Variants in ABI3BP observed in about 807,000 individuals in gnomAD.
ABI3BP encodes ABI family member 3 binding protein, also known as target of Nesh-SH3.
A neutral mutation model predicts 268.6 loss-of-function variants in ABI3BP; 216 were observed. That is an observed-to-expected ratio of 0.80 (90% confidence interval 0.72 to 0.90). The LOEUF is 0.90. Among genes scored for constraint, ABI3BP ranks in the 40% least tolerant of loss-of-function variants. The pLI is 0.00. For missense variants in ABI3BP, 2,090 were observed against 2,182.4 expected (o/e 0.96, Z 0.84); for synonymous variants, 730 against 730.0 (o/e 1.00, Z 0.00).
chr3:100,862,446 A>G, intron 13 of ABI3BP, 61 bp from the exon 14 acceptor site: 1 of 1,166,340 alleles, frequency 8.6e-7, no homozygotes, highest in Non-Finnish European at 1.2e-6. Flanking sequence ...GGAGAACGAG[A>G]CAGAAATAGG....
intron 1 of ABI3BP, among the ~76,000 whole-genome samples, chr3:100,954,584 T>G (rs1439876153): frequency 6.6e-6 from 1 of 152,202 alleles, no homozygotes; most frequent in East Asian, 1.9e-4. Flanking sequence ...ACTGACTATG[T>G]TAAGAATGAC....
chr3:100,878,886 T>A (rs1581646121), intron 6 of ABI3BP, among the ~76,000 whole-genome samples: 1 of 152,364 alleles, frequency 6.6e-6, no homozygotes, highest in South Asian at 2.1e-4. Context: ...TTGCTATTTT[T>A]AAAATCATTT....
At chr3:100,823,006 C>A (rs1207452831) in intron 37 of ABI3BP, among the ~76,000 whole-genome samples, 1 of 152,056 alleles carries the variant, frequency 6.6e-6, no homozygotes, top group Non-Finnish European at 1.5e-5. Context: ...CTTACTCTTT[C>A]AATTTTTGGC....
chr3:100,987,904 AAC>A (rs1217896717), intron 1 of ABI3BP, among the ~76,000 whole-genome samples: 1 of 152,244 alleles, frequency 6.6e-6, no homozygotes, highest in Non-Finnish European at 1.5e-5. Context: ...TTGATAGACA[AAC>A]ACATCAATAA....
chr3:100,823,280 GTCC>G (rs1236306974), intron 37 of ABI3BP, among the ~76,000 whole-genome samples, 175 bp downstream of exon 37: 1 of 152,008 alleles, frequency 6.6e-6, no homozygotes, highest in Non-Finnish European at 1.5e-5. Context: ...GCATATAAAC[GTCC>G]TCAAGTAGAT....
At chr3:100,760,878 G>T (rs903872969) in intron 63 of ABI3BP, among the ~76,000 whole-genome samples, 1 of 152,026 alleles carries the variant, frequency 6.6e-6, no homozygotes, top group Non-Finnish European at 1.5e-5. Context: ...GTATGGCAGA[G>T]AGGGTTTTTT....
At position 100,835,679 on chromosome 3, in the gene ABI3BP, A is replaced by G. The variant is rs1161820414; in HGVS notation, c.2132-19T>C. ...GTGGGAACTAACCAAAAGCAATACAATAAACAATGGAGATTAAGAAATACA... is the reference window on the plus strand; with the variant it reads ...GTGGGAACTAACCAAAAGCAATACAGTAAACAATGGAGATTAAGAAATACA... On this transcript the variant is annotated intron_variant, in intron 27 of 67. Coordinates refer to ENST00000471714, the MANE Select transcript of ABI3BP (RefSeq NM_001375547.2). 1 of 1,520,600 alleles carries G rather than the reference A, an allele frequency of 6.6e-7. No homozygotes were observed. Among genetic ancestry groups the G allele is most frequent in the Admixed American group, 2.0e-5 (1 of 50,262 alleles). 94.2% of individuals were successfully genotyped at this position (1,520,600 alleles called of 1,614,324 possible).
chr3:100,804,489 T>A (rs940773403), intron 51 of ABI3BP, among the ~76,000 whole-genome samples: 1 of 152,172 alleles, frequency 6.6e-6, no homozygotes, highest in Non-Finnish European at 1.5e-5. Context: ...TTTAGTGAAA[T>A]ATTTGAGCAT....
At chr3:100,875,661 G>T in intron 7 of ABI3BP, 82 bp from the exon 8 acceptor site, 1 of 973,050 alleles carries the variant, frequency 1.0e-6, no homozygotes, top group Non-Finnish European at 1.6e-6. Context: ...CATCTGCACT[G>T]GAAAAGCCTT....
chr3:100,903,150 C>T (rs755566711), intron 2 of ABI3BP, among the ~76,000 whole-genome samples: 30 of 152,278 alleles, frequency 2.0e-4, no homozygotes, highest in Non-Finnish European at 2.4e-4. Context: ...ATATTTATAA[C>T]GCCCTTCCTA....
At chr3:100,856,043 A>G (rs1018496448) in intron 14 of ABI3BP, among the ~76,000 whole-genome samples, 1 of 152,220 alleles carries the variant, frequency 6.6e-6, no homozygotes, top group Non-Finnish European at 1.5e-5. Context: ...TATACCTGAA[A>G]TCTGTTTTCC....
At chr3:100,919,470 T>C (rs1478687011) in intron 2 of ABI3BP, among the ~76,000 whole-genome samples, 1 of 152,188 alleles carries the variant, frequency 6.6e-6, no homozygotes, top group Non-Finnish European at 1.5e-5. Flanking sequence ...AGATTAAGGG[T>C]AAACCTTGTA....
chr3:100,882,445 A>AAT lies in ABI3BP; in HGVS notation c.696+3089_696+3090dup, dbSNP rs573846302. Among the ~76,000 whole-genome samples the AAT allele has an allele frequency of 2.3e-3, 339 of 145,428 alleles. 1 individual carries two copies. The highest frequency in any genetic ancestry group is 3.8e-3 in the Non-Finnish European group (248 of 65,352). On this transcript the variant is annotated intron_variant, in intron 6 of 67. Coordinates refer to ENST00000471714, the MANE Select transcript of ABI3BP (RefSeq NM_001375547.2). ...CAGAGATGTAAGTTCATATATATAT[A>AAT]ATATATATATATATATTTTTTTTGC...
intron 1 of ABI3BP, among the ~76,000 whole-genome samples, chr3:100,980,461 AT>A (rs1182297037): frequency 1.3e-5 from 2 of 152,146 alleles, no homozygotes; most frequent in African/African-American, 2.4e-5. Context: ...TGAAATACAC[AT>A]TTTTTTCCAG....
At chr3:100,757,616 C>T (rs1038748249) in intron 63 of ABI3BP, among the ~76,000 whole-genome samples, 3 of 152,094 alleles carry the variant, frequency 2.0e-5, no homozygotes, top group Non-Finnish European at 4.4e-5. Context: ...TTCTTTAGTG[C>T]TACAAAGTAA....
intron 1 of ABI3BP, among the ~76,000 whole-genome samples, chr3:100,981,336 C>T (rs778803677): frequency 6.6e-6 from 1 of 151,834 alleles, no homozygotes; most frequent in Non-Finnish European, 1.5e-5. Flanking sequence ...AGGACATGGG[C>T]CAAAGTGGTC....
intron 1 of ABI3BP, among the ~76,000 whole-genome samples, chr3:100,962,478 G>A (rs1292478440): frequency 1.3e-5 from 2 of 151,820 alleles, no homozygotes; most frequent in South Asian, 2.1e-4. Context: ...ACAAAACATT[G>A]TCCTCATCTG....
chr3:100,823,595 G>T, intron 36 of ABI3BP, 81 bp from the exon 37 acceptor site: 1 of 1,049,368 alleles, frequency 9.5e-7, no homozygotes, highest in Non-Finnish European at 1.4e-6. Context: ...AAATTTTACT[G>T]GTATGTCAAT....
chr3:100,939,057 A>G (rs1423279213), intron 1 of ABI3BP, among the ~76,000 whole-genome samples: 2 of 152,092 alleles, frequency 1.3e-5, no homozygotes, highest in Non-Finnish European at 2.9e-5. Context: ...TCCAACTACC[A>G]ATTCCATATA....
Sources: allele counts gnomAD v4.1 joint callset (sites outside exome capture counted in the v4.1 genomes callset), GRCh38; gene constraint gnomAD v4.1.1; transcripts MANE v1.5; gene names NCBI Gene and HGNC (gene_info 2026-07-23, HGNC 2026-07-21).